CRACD: variants seen among roughly 807,000 people sequenced by gnomAD.
The protein encoded by CRACD is capping protein-inhibiting regulator of actin dynamics.
CRACD carries 56 observed loss-of-function variants against 106.8 expected under a neutral mutation model. The observed-to-expected ratio is 0.52, with a 90% CI of 0.42 to 0.66. The LOEUF (loss-of-function observed/expected upper bound fraction) is 0.66. Among genes scored for constraint, CRACD ranks in the 30% least tolerant of loss-of-function variants. CRACD has a pLI of 0.00. For missense variants in CRACD, 1,730 were observed against 1,623.2 expected (o/e 1.07, Z -1.13); for synonymous variants, 754 against 670.8 (o/e 1.12, Z -1.92).
At chr4:56,263,683 G>GT (rs1163322877) in intron 2 of CRACD, among the ~76,000 whole-genome samples, 1 of 152,134 alleles carries the variant, frequency 6.6e-6, no homozygotes, top group African/African-American at 2.4e-5. Flanking sequence ...GGTACTGGGA[G>GT]TTAGGACCTT....
chr4:56,125,118 T>A (rs1734615890), intron 1 of CRACD, among the ~76,000 whole-genome samples: 1 of 152,168 alleles, frequency 6.6e-6, no homozygotes, highest in Admixed American at 6.5e-5. Flanking sequence ...GTAAAGAAGA[T>A]GTTGTGTGAT....
intron 1 of CRACD, among the ~76,000 whole-genome samples, chr4:56,063,471 C>T (rs1016177809): frequency 2.0e-5 from 3 of 152,128 alleles, no homozygotes; most frequent in African/African-American, 7.2e-5. Context: ...CAGGCATCAC[C>T]ACTGTCCATT....
chr4:56,294,266 A>G (rs984554222), intron 3 of CRACD, among the ~76,000 whole-genome samples: 1 of 152,092 alleles, frequency 6.6e-6, no homozygotes, highest in Non-Finnish European at 1.5e-5. Flanking sequence ...TATAATTGAT[A>G]AATAAACTTA....
At chr4:56,189,001 A>C (rs12647008) in intron 2 of CRACD, among the ~76,000 whole-genome samples, 4 of 151,930 alleles carry the variant, frequency 2.6e-5, no homozygotes, top group Non-Finnish European at 5.9e-5. Context: ...CTTGCCAACA[A>C]GGTGAAACCC....
At chr4:56,125,594 T>G (rs1463512535) in intron 1 of CRACD, among the ~76,000 whole-genome samples, 1 of 151,936 alleles carries the variant, frequency 6.6e-6, no homozygotes, top group East Asian at 1.9e-4. Context: ...TATTTTATTT[T>G]TTTGTGGAGA....
At chr4:56,281,435 A>C (rs994133877) in intron 3 of CRACD, among the ~76,000 whole-genome samples, 2 of 152,066 alleles carry the variant, frequency 1.3e-5, no homozygotes, top group Non-Finnish European at 2.9e-5. Context: ...CGATTCTTAG[A>C]GATACAATAT....
chr4:56,287,503 A>C (rs1432910419), intron 3 of CRACD, among the ~76,000 whole-genome samples: 2 of 151,582 alleles, frequency 1.3e-5, no homozygotes, highest in African/African-American at 4.9e-5. Flanking sequence ...CTGGTGTTGA[A>C]CTCCTGACCT....
intron 2 of CRACD, among the ~76,000 whole-genome samples, chr4:56,228,211 T>C (rs1739415917): frequency 6.6e-6 from 1 of 152,170 alleles, no homozygotes; most frequent in South Asian, 2.1e-4. Context: ...TACCTGACTT[T>C]TGTTACTGTG....
intron 1 of CRACD, among the ~76,000 whole-genome samples, chr4:56,123,091 T>A (rs1734543240): frequency 6.6e-6 from 1 of 152,210 alleles, no homozygotes; most frequent in South Asian, 2.1e-4. Context: ...AAATTTTCAA[T>A]GGTAGTAGAG....
At chr4:56,244,608 A>G (rs913626715) in intron 2 of CRACD, among the ~76,000 whole-genome samples, 6 of 152,138 alleles carry the variant, frequency 3.9e-5, no homozygotes, top group African/African-American at 1.2e-4. Flanking sequence ...TCATTGATAA[A>G]TGGTCATTTC....
At chr4:56,163,131 A>AT (rs1214840939) in intron 1 of CRACD, among the ~76,000 whole-genome samples, 1 of 152,142 alleles carries the variant, frequency 6.6e-6, no homozygotes, top group Non-Finnish European at 1.5e-5. Context: ...GCCTTAGGAG[A>AT]TGCCTCATGA....
chr4:56,081,050 G>T (rs969430832), intron 1 of CRACD, among the ~76,000 whole-genome samples: 1 of 152,082 alleles, frequency 6.6e-6, no homozygotes, highest in African/African-American at 2.4e-5. Flanking sequence ...AGAGATGGAG[G>T]TCTCACTATG....
chr4:56,275,737 CA>C (rs1488122474), intron 3 of CRACD, among the ~76,000 whole-genome samples: 3 of 152,116 alleles, frequency 2.0e-5, no homozygotes, highest in Non-Finnish European at 4.4e-5. Flanking sequence ...TTGCTATCTC[CA>C]AAATGGACAG....
chr4:56,302,063 C>T (rs918210229), intron 4 of CRACD, among the ~76,000 whole-genome samples: 8 of 152,108 alleles, frequency 5.3e-5, no homozygotes, highest in African/African-American at 1.9e-4. Flanking sequence ...CCCCACCTGG[C>T]TGTATGGCTT....
rs1398863786 is a variant in CRACD at position 56,276,573 on chromosome 4, G to T, written c.-17+4081G>T. ...TTTAAGATTGATATTATTATCAACAGTTCAAAGATGAGAAAACTAAGGCTA... is the reference window on the plus strand; with the variant it reads ...TTTAAGATTGATATTATTATCAACATTTCAAAGATGAGAAAACTAAGGCTA... On this transcript the variant is annotated intron_variant, in intron 3 of 10. Transcript: ENST00000682029. 2.0e-5 allele frequency among the ~76,000 whole-genome samples: 3 copies of T among 152,158 alleles called. No individual in the cohort carries two copies. In the South Asian group the frequency reaches 6.2e-4, roughly 32 times the overall value.
intron 1 of CRACD, among the ~76,000 whole-genome samples, chr4:56,129,034 T>A (rs1157626429): frequency 1.1e-5 from 1 of 86,988 alleles, no homozygotes. Context: ...TTTTACCTAT[T>A]TATAAAACCT....
chr4:56,298,664 G>T (rs567251287), intron 4 of CRACD, among the ~76,000 whole-genome samples: 5 of 152,278 alleles, frequency 3.3e-5, no homozygotes, highest in South Asian at 4.1e-4. Context: ...CAGGCGCGGT[G>T]GCTCAGGCCT....
chr4:56,202,958 C>T (rs542753770), intron 2 of CRACD, among the ~76,000 whole-genome samples: 12 of 152,238 alleles, frequency 7.9e-5, no homozygotes, highest in Admixed American at 2.0e-4. Context: ...TCACCCTAAT[C>T]AGTTTGTCTA....
chr4:56,087,494 TG>T (rs552759131), intron 1 of CRACD, among the ~76,000 whole-genome samples: 54 of 152,352 alleles, frequency 3.5e-4, no homozygotes, highest in African/African-American at 1.2e-3. Context: ...GTCTCCTCCC[TG>T]GGCTGGTTCA....
Sources: gnomAD v4.1 joint callset for allele counts (sites outside exome capture counted in the v4.1 genomes callset) on GRCh38, gnomAD v4.1.1 for gene constraint, MANE v1.5 for transcripts, NCBI Gene and HGNC (gene_info 2026-07-23, HGNC 2026-07-21) for gene names.